The following STK26 variants were observed in gnomAD, a reference collection of about 807,000 sequenced individuals.
STK26 encodes the protein serine/threonine-protein kinase 26.
STK26 carries 14 observed loss-of-function variants against 34.7 expected under a neutral mutation model. The observed-to-expected ratio is 0.40, with a 90% CI of 0.27 to 0.63. STK26 has a LOEUF of 0.63. STK26 is among the 30% of genes least tolerant of loss of function. The probability of loss-of-function intolerance (pLI) is 0.38; values close to 1 mark genes in which losing one functional copy is unlikely to be tolerated. For synonymous variants in STK26, 100 were observed against 109.8 expected, an observed-to-expected ratio of 0.91 and a Z score of 0.56; for missense variants, 226 against 309.1, an observed-to-expected ratio of 0.73 and a Z score of 2.02.
intron 2 of STK26, among the ~76,000 whole-genome samples, chrX:132,035,781 C>T (rs1926018141): frequency 9.9e-6 from 1 of 100,751 alleles, no homozygotes; most frequent in South Asian, 4.8e-4. Context: ...TTATTATGTC[C>T]CCCCCTCAAA....
In STK26 at chrX:132,068,399, T is replaced by C. The variant is rs780187858; in HGVS notation, c.440-13T>C. ...AGCTGAGTTTTTTTTTGCTTTTCTT[T>C]TTTTCCTCCTAGCTGCCAATGTCTT... On this transcript the variant is annotated splice_polypyrimidine_tract_variant and intron_variant, in intron 5 of 11. Coordinates refer to ENST00000394334, the MANE Select transcript of STK26 (RefSeq NM_016542.4). 1 of 1,201,962 alleles carries C rather than the reference T, an allele frequency of 8.3e-7. No individual in the cohort carries two copies. The highest frequency in any genetic ancestry group is 1.1e-6 in the Non-Finnish European group (1 of 892,768).
chrX:132,049,470 T>C (rs916870092), intron 2 of STK26, among the ~76,000 whole-genome samples: 33 of 112,369 alleles, frequency 2.9e-4, no homozygotes, highest in African/African-American at 9.1e-4. Flanking sequence ...TTCTGCTTCT[T>C]AGATGACAGG....
chrX:132,043,862 A>T (rs1434701431), intron 2 of STK26, among the ~76,000 whole-genome samples: 1 of 111,650 alleles, frequency 9.0e-6, no homozygotes, highest in Non-Finnish European at 1.9e-5. Flanking sequence ...TTCTTTGAGT[A>T]TAGCTCCGTA....
intron 2 of STK26, among the ~76,000 whole-genome samples, chrX:132,045,595 T>C (rs184852072): frequency 8.9e-6 from 1 of 112,326 alleles, no homozygotes; most frequent in Admixed American, 9.4e-5. Flanking sequence ...GTAGTACTTA[T>C]GAGAAACCAG....
chrX:132,023,733 C>G (rs1935036835), intron 2 of STK26, 74 bp downstream of exon 2: 2 of 1,114,984 alleles, frequency 1.8e-6, no homozygotes, highest in Non-Finnish European at 1.2e-6. Context: ...TGCTGGGCAC[C>G]GGCGACAAGG....
chrX:132,048,300 A>T (rs938974306), intron 2 of STK26, among the ~76,000 whole-genome samples: 1 of 111,988 alleles, frequency 8.9e-6, no homozygotes, highest in South Asian at 3.7e-4. Context: ...CCTATTTTAA[A>T]TTTTTTCAAT....
chrX:132,062,134 C>T (rs919228226), intron 3 of STK26, among the ~76,000 whole-genome samples: 1 of 111,844 alleles, frequency 8.9e-6, no homozygotes, highest in African/African-American at 3.3e-5. Context: ...TTTTAAAATT[C>T]TGAACATCTT....
intron 2 of STK26, among the ~76,000 whole-genome samples, chrX:132,025,604 T>A (rs1009459173): frequency 6.4e-5 from 7 of 110,038 alleles, no homozygotes; most frequent in African/African-American, 2.3e-4. Flanking sequence ...CCACCTAATT[T>A]GAGTAGGGCA....
intron 2 of STK26, among the ~76,000 whole-genome samples, chrX:132,033,308 C>G (rs747431378): frequency 7.2e-5 from 8 of 111,747 alleles, no homozygotes; most frequent in Non-Finnish European, 9.4e-5. Context: ...CTGCCGCCTG[C>G]CTTAACTTTT....
At chrX:132,072,406 A>G (rs1927444694) in intron 9 of STK26, 45 bp downstream of exon 9, 2 of 1,067,011 alleles carry the variant, frequency 1.9e-6, no homozygotes, top group African/African-American at 3.7e-5. Context: ...CAGTTTTTCA[A>G]ACCATGTAGT....
intron 4 of STK26, 130 bp downstream of exon 4, chrX:132,063,619 A>T (rs1927127844): frequency 3.6e-6 from 2 of 555,706 alleles, no homozygotes; most frequent in Admixed American, 3.6e-5. Context: ...TTCAAATTAA[A>T]TTCTTTTTTC....
chrX:132,071,187 A>G lies in STK26; in HGVS notation c.902A>G (p.Asp301Gly), dbSNP rs988810135. The change falls in exon 8 of 12, where the codon GAT becomes GGT. Residue 301 changes from aspartate (D) to glycine (G), a missense_variant. Physicochemically the swap from Asp to Gly is moderately conservative, Grantham distance 94. This residue lies in a region of STK26 where 126 missense variants were observed against 132.4 expected (regional missense o/e 0.95). Coordinates refer to ENST00000394334, the MANE Select transcript of STK26 (RefSeq NM_016542.4). ...FKRWKAEGHS[D>G]DESDSEGSDS... ...AGATGGAAGGCAGAAGGACACAGTG[A>G]TGATGAATCTGATTCCGAGGGCTCT... 2 of 1,209,208 alleles carry G rather than the reference A, an allele frequency of 1.7e-6. No individual in the cohort carries two copies. The highest frequency in any genetic ancestry group is 3.5e-5 in the African/African-American group (2 of 57,347).
chrX:132,051,189 CT>C (rs762946954), intron 2 of STK26, among the ~76,000 whole-genome samples: 1 of 111,883 alleles, frequency 8.9e-6, no homozygotes, highest in African/African-American at 3.2e-5. Flanking sequence ...ACATTGTTTC[CT>C]TTTGGACTTC....
intron 2 of STK26, among the ~76,000 whole-genome samples, chrX:132,028,232 A>G (rs111510614): frequency 9.2e-6 from 1 of 108,519 alleles, no homozygotes; most frequent in Non-Finnish European, 1.9e-5. Flanking sequence ...GACAGGTTCC[A>G]TGGACATATG....
intron 4 of STK26, among the ~76,000 whole-genome samples, chrX:132,065,960 A>G (rs1196354482): frequency 9.0e-6 from 1 of 111,314 alleles, no homozygotes; most frequent in Non-Finnish European, 1.9e-5. Flanking sequence ...CATTTGGGGG[A>G]ATCTAAGACA....
At chrX:132,070,378 T>A (rs1927377239) in intron 7 of STK26, among the ~76,000 whole-genome samples, 1 of 112,195 alleles carries the variant, frequency 8.9e-6, no homozygotes, top group Non-Finnish European at 1.9e-5. Context: ...AATGTGAAGT[T>A]GTATACTTTT....
rs1014106866 is a variant in STK26, at chrX:132,052,415, G to C, written c.43-2216G>C. ...TTGGTGTTTTGTAGGAGCATTGTTA[G>C]ATGCAAAATAAAAGAGTAGGAAGTG... On this transcript the variant is annotated intron_variant, in intron 2 of 11. Transcript: ENST00000394334. 3.6e-5 allele frequency among the ~76,000 whole-genome samples: 4 copies of C among 111,569 alleles called. No homozygotes were observed. The Admixed American group carries it at 3.8e-4, about 11-fold the overall frequency.
intron 3 of STK26, among the ~76,000 whole-genome samples, chrX:132,060,329 G>C (rs1367771238): frequency 9.0e-6 from 1 of 111,336 alleles, no homozygotes; most frequent in Non-Finnish European, 1.9e-5. Context: ...ATTTTGATAG[G>C]GGTTGGAAGG....
intron 2 of STK26, among the ~76,000 whole-genome samples, chrX:132,027,902 C>G (rs911028607): frequency 9.2e-6 from 1 of 108,882 alleles, no homozygotes; most frequent in Admixed American, 9.9e-5. Flanking sequence ...GTCACCCAGA[C>G]TGTAGTGCAG....
Sources: allele counts gnomAD v4.1 joint callset (sites outside exome capture counted in the v4.1 genomes callset), GRCh38; gene constraint gnomAD v4.1.1; regional missense constraint gnomAD v4.1.1; transcripts MANE v1.5; gene names NCBI Gene and HGNC (gene_info 2026-07-23, HGNC 2026-07-21).